The following ZBTB20 variants were observed in gnomAD, a reference collection of about 807,000 sequenced individuals.
ZBTB20 encodes zinc finger and BTB domain-containing protein 20.
A neutral mutation model predicts 56.9 loss-of-function variants in ZBTB20; 9 were observed. That is an observed-to-expected ratio of 0.16 (90% confidence interval 0.10 to 0.28). The LOEUF is 0.28. Ranked by LOEUF, ZBTB20 falls within the 10% of genes least tolerant of loss-of-function variation. The probability of loss-of-function intolerance (pLI) is 1.00; values close to 1 mark genes in which losing one functional copy is unlikely to be tolerated. For missense variants in ZBTB20, 655 were observed against 1,003.0 expected (o/e 0.65, Z 4.69); for synonymous variants, 417 against 420.7 (o/e 0.99, Z 0.11).
At chr3:114,940,724 T>C (rs1266705708) in intron 3 of ZBTB20, among the ~76,000 whole-genome samples, 2 of 146,560 alleles carry the variant, frequency 1.4e-5, no homozygotes, top group Admixed American at 1.3e-4. Context: ...TGTTACAATA[T>C]TGGCCTTGGG....
At chr3:114,474,709 T>C (rs774787563) in intron 7 of ZBTB20, among the ~76,000 whole-genome samples, 1 of 152,162 alleles carries the variant, frequency 6.6e-6, no homozygotes, top group Non-Finnish European at 1.5e-5. Context: ...TCTACTAAGG[T>C]TCAAAATCAT....
At chr3:114,721,700 C>T (rs1391440891) in intron 5 of ZBTB20, among the ~76,000 whole-genome samples, 1 of 152,154 alleles carries the variant, frequency 6.6e-6, no homozygotes, top group Non-Finnish European at 1.5e-5. Context: ...CTAACCCCCA[C>T]ACTTACTGTT....
intron 3 of ZBTB20, among the ~76,000 whole-genome samples, chr3:114,947,424 T>C (rs2076921279): frequency 6.8e-6 from 1 of 146,294 alleles, no homozygotes; most frequent in Non-Finnish European, 1.5e-5. Context: ...CATCAATGGA[T>C]GATTGGATTA....
At chr3:115,025,118 C>G (rs1250333225) in intron 2 of ZBTB20, among the ~76,000 whole-genome samples, 3 of 151,152 alleles carry the variant, frequency 2.0e-5, no homozygotes, top group African/African-American at 7.3e-5. Flanking sequence ...TCTGATGGGC[C>G]CAGTGTGTGT....
chr3:114,598,438 A>G (rs1355452393), intron 6 of ZBTB20, among the ~76,000 whole-genome samples: 1 of 151,662 alleles, frequency 6.6e-6, no homozygotes. Context: ...GTGCTATATG[A>G]CAGGATATGA....
chr3:114,567,674 A>T (rs1262076473), intron 6 of ZBTB20, among the ~76,000 whole-genome samples: 2 of 152,024 alleles, frequency 1.3e-5, no homozygotes, highest in Admixed American at 6.6e-5. Flanking sequence ...TAACCCCTAC[A>T]TCACACATAC....
intron 2 of ZBTB20, among the ~76,000 whole-genome samples, chr3:115,044,599 A>G (rs1414599134): frequency 6.6e-6 from 1 of 152,236 alleles, no homozygotes; most frequent in African/African-American, 2.4e-5. Context: ...GTGATTTCCA[A>G]TGGTGGCTAC....
intron 5 of ZBTB20, among the ~76,000 whole-genome samples, chr3:114,714,751 T>A (rs1301214174): frequency 6.6e-6 from 1 of 152,222 alleles, no homozygotes; most frequent in Non-Finnish European, 1.5e-5. Flanking sequence ...GCAGGCATTA[T>A]GCAAATGACA....
intron 4 of ZBTB20, among the ~76,000 whole-genome samples, chr3:114,833,146 C>G (rs1431207855): frequency 2.0e-5 from 3 of 152,104 alleles, no homozygotes; most frequent in Non-Finnish European, 2.9e-5. Context: ...AATAACATAT[C>G]TCTTCTATAC....
intron 11 of ZBTB20, among the ~76,000 whole-genome samples, chr3:114,347,110 T>A (rs1369014803): frequency 2.5e-5 from 2 of 79,282 alleles, no homozygotes; most frequent in African/African-American, 1.0e-4. Flanking sequence ...TTTTTTTTTT[T>A]AAGAGATAGG....
At chr3:114,643,213 T>C (rs537522115) in intron 6 of ZBTB20, among the ~76,000 whole-genome samples, 56 of 152,266 alleles carry the variant, frequency 3.7e-4, no homozygotes, top group Non-Finnish European at 7.1e-4. Flanking sequence ...CATGAAAACA[T>C]ATGGTTGGAA....
rs916065839 is a variant in ZBTB20 at position 114,539,962 on chromosome 3, T to C, written c.-294-39571A>G. 8.0e-4 allele frequency among the ~76,000 whole-genome samples: 121 copies of C among 151,824 alleles called. 1 individual carries two copies. Among genetic ancestry groups the C allele is most frequent in the African/African-American group, 2.8e-3 (118 of 41,428 alleles). ...CAGGGGTGTAAGTGCAGGTTTGTTA[T>C]ATAGGTAAACTTGTGTCATGGGGGT... is the stretch of plus-strand genomic sequence containing the variant. On this transcript the variant is annotated intron_variant, in intron 6 of 11. Coordinates refer to ENST00000675478, the MANE Select transcript of ZBTB20 (RefSeq NM_001348800.3).
intron 6 of ZBTB20, among the ~76,000 whole-genome samples, chr3:114,544,426 TTTCTTTCTTTCTTTCTTTCTTTC>T (rs1360666419): frequency 1.6e-5 from 1 of 62,028 alleles, no homozygotes; most frequent in Non-Finnish European, 2.9e-5. Context: ...TCTTTCTTTC[TTTCTTTCTTTCTTTCTTTCTTTC>T]TTTCTTTCTT....
At chr3:115,103,335 A>G (rs2083635492) in intron 1 of ZBTB20, among the ~76,000 whole-genome samples, 1 of 152,192 alleles carries the variant, frequency 6.6e-6, no homozygotes, top group African/African-American at 2.4e-5. Flanking sequence ...TATTTTGTGG[A>G]TATGAACTAA....
At chr3:114,432,028 TC>T (rs1378009813) in intron 7 of ZBTB20, among the ~76,000 whole-genome samples, 1 of 152,134 alleles carries the variant, frequency 6.6e-6, no homozygotes, top group African/African-American at 2.4e-5. Flanking sequence ...TGCAGTTGTC[TC>T]TTTCTTATAC....
intron 5 of ZBTB20, among the ~76,000 whole-genome samples, chr3:114,765,312 G>A (rs1290752491): frequency 1.3e-5 from 2 of 152,114 alleles, no homozygotes; most frequent in African/African-American, 4.8e-5. Context: ...AGATGCAGTC[G>A]TAATGGAGTA....
chr3:114,806,040 G>A (rs942638702), intron 4 of ZBTB20, among the ~76,000 whole-genome samples: 8 of 151,802 alleles, frequency 5.3e-5, no homozygotes, highest in Admixed American at 4.6e-4. Context: ...TTACTGTTAC[G>A]AATAATGCTG....
At chr3:115,034,886 A>T (rs2080850171) in intron 2 of ZBTB20, among the ~76,000 whole-genome samples, 1 of 152,000 alleles carries the variant, frequency 6.6e-6, no homozygotes, top group African/African-American at 2.4e-5. Flanking sequence ...TAAGAAATAA[A>T]ATAGAGTCCA....
intron 11 of ZBTB20, among the ~76,000 whole-genome samples, chr3:114,345,418 T>C (rs2080110392): frequency 6.6e-6 from 1 of 152,224 alleles, no homozygotes; most frequent in African/African-American, 2.4e-5. Context: ...ACCTATGTAA[T>C]TTGGAAGACT....
Sources: allele counts gnomAD v4.1 joint callset (sites outside exome capture counted in the v4.1 genomes callset), GRCh38; gene constraint gnomAD v4.1.1; transcripts MANE v1.5; gene names NCBI Gene and HGNC (gene_info 2026-07-23, HGNC 2026-07-21).